Variants in ZNF438 observed in about 807,000 individuals in gnomAD.
The protein encoded by ZNF438 is zinc finger protein 438.
ZNF438 carries 25 observed loss-of-function variants against 38.0 expected under a neutral mutation model. That is an observed-to-expected ratio of 0.66 (90% confidence interval 0.48 to 0.92). The LOEUF (loss-of-function observed/expected upper bound fraction) is 0.92. Ranked by LOEUF, ZNF438 falls within the 40% of genes least tolerant of loss-of-function variation. The pLI is 0.00. For missense variants in ZNF438, 1,007 were observed against 999.6 expected (o/e 1.01, Z -0.10); for synonymous variants, 372 against 364.1 (o/e 1.02, Z -0.25).
chr10:30,944,133 C>A (rs1485333362), intron 1 of ZNF438, among the ~76,000 whole-genome samples: 3 of 152,104 alleles, frequency 2.0e-5, no homozygotes, highest in Non-Finnish European at 4.4e-5. Flanking sequence ...GACAAAACAC[C>A]AATCTCTCTC....
chr10:30,929,413 T>C (rs1166272783), intron 2 of ZNF438, among the ~76,000 whole-genome samples: 1 of 152,096 alleles, frequency 6.6e-6, no homozygotes. Flanking sequence ...TAAGGCGGTG[T>C]GTCTGGAGTT....
At chr10:30,998,840 C>G (rs1423082145) in intron 1 of ZNF438, among the ~76,000 whole-genome samples, 1 of 151,986 alleles carries the variant, frequency 6.6e-6, no homozygotes, top group Non-Finnish European at 1.5e-5. Context: ...CAGAGGGAAT[C>G]CTTAACTTTG....
chr10:30,953,796 T>C (rs1046093689), intron 1 of ZNF438, among the ~76,000 whole-genome samples: 2 of 152,148 alleles, frequency 1.3e-5, no homozygotes, highest in Admixed American at 1.3e-4. Context: ...GATAGATGAA[T>C]AACTCTTCTT....
intron 2 of ZNF438, among the ~76,000 whole-genome samples, chr10:30,916,174 G>T (rs2043608703): frequency 6.6e-6 from 1 of 151,904 alleles, no homozygotes; most frequent in Middle Eastern, 3.2e-3. Context: ...TCCAAATAAG[G>T]CCACTAATGT....
chr10:30,884,535 C>T (rs1278527649), intron 3 of ZNF438, among the ~76,000 whole-genome samples: 10 of 152,086 alleles, frequency 6.6e-5, no homozygotes, highest in African/African-American at 4.8e-5. Context: ...TAAGGAAAAA[C>T]CTCTGAAAAT....
At chr10:30,931,037 T>C (rs1452168301) in intron 2 of ZNF438, among the ~76,000 whole-genome samples, 1 of 152,124 alleles carries the variant, frequency 6.6e-6, no homozygotes, top group Admixed American at 6.5e-5. Context: ...ACTGGAGCAC[T>C]GGGAAAACAT....
intron 1 of ZNF438, among the ~76,000 whole-genome samples, chr10:30,963,348 T>G (rs2136073558): frequency 7.4e-6 from 1 of 136,022 alleles, no homozygotes; most frequent in Non-Finnish European, 1.5e-5. Context: ...GCCGAGATCG[T>G]GATACTGCAC....
chr10:31,028,121 C>A (rs1186230084), intron 1 of ZNF438, among the ~76,000 whole-genome samples: 1 of 151,862 alleles, frequency 6.6e-6, no homozygotes, highest in Non-Finnish European at 1.5e-5. Context: ...ATATATATCA[C>A]CAGATCCCCT....
At chr10:30,897,278 C>G (rs1195008366) in intron 3 of ZNF438, among the ~76,000 whole-genome samples, 1 of 152,172 alleles carries the variant, frequency 6.6e-6, no homozygotes, top group Admixed American at 6.5e-5. Flanking sequence ...TAGGGCTCTT[C>G]AGGCCATAGG....
intron 1 of ZNF438, among the ~76,000 whole-genome samples, chr10:30,993,096 G>A (rs1268951981): frequency 6.6e-6 from 1 of 152,202 alleles, no homozygotes; most frequent in Non-Finnish European, 1.5e-5. Context: ...CCTCAGGCTG[G>A]CTATGTAGAA....
At chr10:30,883,816 G>A (rs1262992101) in intron 3 of ZNF438, among the ~76,000 whole-genome samples, 4 of 152,344 alleles carry the variant, frequency 2.6e-5, no homozygotes, top group Non-Finnish European at 5.9e-5. Context: ...ACGACAGGAG[G>A]TTGAGGTTGC....
intron 1 of ZNF438, among the ~76,000 whole-genome samples, chr10:30,958,980 T>G (rs1214510670): frequency 6.8e-6 from 1 of 147,422 alleles, no homozygotes; most frequent in Non-Finnish European, 1.5e-5. Context: ...CATTGCATTT[T>G]TTCTTGTTTT....
intron 1 of ZNF438, among the ~76,000 whole-genome samples, chr10:30,978,179 A>G (rs948618133): frequency 5.3e-5 from 8 of 152,344 alleles, no homozygotes; most frequent in African/African-American, 1.9e-4. Context: ...TCGATTCAAG[A>G]AACTGGAAAT....
At chr10:30,944,296 G>C (rs1296324996) in intron 1 of ZNF438, among the ~76,000 whole-genome samples, 2 of 152,050 alleles carry the variant, frequency 1.3e-5, no homozygotes, top group Non-Finnish European at 2.9e-5. Context: ...AATTTGAAGG[G>C]GTAGGAAGAC....
chr10:30,992,411 A>T (rs2053592854), intron 1 of ZNF438, among the ~76,000 whole-genome samples: 1 of 121,076 alleles, frequency 8.3e-6, no homozygotes, highest in Admixed American at 9.1e-5. Flanking sequence ...GAAACTCTGA[A>T]TCTTCTTTTT....
intron 2 of ZNF438, among the ~76,000 whole-genome samples, chr10:30,937,650 A>C (rs974522647): frequency 2.0e-5 from 3 of 152,038 alleles, no homozygotes; most frequent in African/African-American, 7.3e-5. Context: ...TGAGGGTGAA[A>C]CTGTATAATC....
intron 1 of ZNF438, among the ~76,000 whole-genome samples, chr10:31,012,273 G>A (rs184614455): frequency 0.026 from 3,999 of 151,764 alleles, 73 homozygotes; most frequent in Middle Eastern, 0.061. Flanking sequence ...ACAGGCACCC[G>A]CCACCACGCC....
chr10:30,964,847 A>G (rs552826354), intron 1 of ZNF438, among the ~76,000 whole-genome samples: 8 of 152,194 alleles, frequency 5.3e-5, no homozygotes, highest in Non-Finnish European at 8.8e-5. Context: ...CAAACTATAA[A>G]AATCCGAGAA....
intron 5 of ZNF438, among the ~76,000 whole-genome samples, chr10:30,845,833 C>A (rs1013786192): frequency 6.6e-6 from 1 of 152,140 alleles, no homozygotes; most frequent in Admixed American, 6.5e-5. Context: ...CTGTCCCAGG[C>A]GAGCTAACTC....
Sources: allele counts gnomAD v4.1 joint callset (sites outside exome capture counted in the v4.1 genomes callset), GRCh38; gene constraint gnomAD v4.1.1; transcripts MANE v1.5; gene names NCBI Gene and HGNC (gene_info 2026-07-23, HGNC 2026-07-21).